The following C3orf49 variants were observed in gnomAD, a reference collection of about 807,000 sequenced individuals.
C3orf49 encodes putative uncharacterized protein C3orf49.
C3orf49 carries 27 observed loss-of-function variants against 13.3 expected under a neutral mutation model. The ratio of observed to expected loss-of-function variants is 2.02; its 90% confidence interval spans 1.49 to 2.79. The LOEUF is 2.79. C3orf49 is among the 30% of genes most tolerant of loss of function. The probability of loss-of-function intolerance (pLI) is 0.00; values close to 1 mark genes in which losing one functional copy is unlikely to be tolerated. For synonymous variants in C3orf49, 87 were observed against 47.6 expected (o/e 1.83, Z -3.40); for missense variants, 242 against 134.2 (o/e 1.80, Z -3.97).
chr3:63,839,620 G>C, intron 5 of C3orf49: 1 of 1,560,430 alleles, frequency 6.4e-7, no homozygotes, highest in Non-Finnish European at 8.8e-7. Context: ...ATCACATTAG[G>C]ACACTGGTAT....
the C3orf49 span, among the ~76,000 whole-genome samples, chr3:63,799,189 A>C: frequency 5.3e-3 from 803 of 152,296 alleles, 8 homozygotes; most frequent in African/African-American, 0.018. Flanking sequence ...GTTGAATTGC[A>C]TGTTACAGAG....
the C3orf49 span, among the ~76,000 whole-genome samples, chr3:63,808,808 G>C: frequency 1.3e-5 from 2 of 152,104 alleles, no homozygotes; most frequent in African/African-American, 4.8e-5. Flanking sequence ...ACTCAGCCCA[G>C]GAGAAAATGT....
chr3:63,838,563 A>G, intron 5 of C3orf49: 1 of 1,434,788 alleles, frequency 7.0e-7, no homozygotes, highest in Middle Eastern at 1.8e-4. Flanking sequence ...GAACTGTTAT[A>G]ATGCAGACAA....
At chr3:63,784,112 A>G in the C3orf49 span, among the ~76,000 whole-genome samples, 1 of 152,256 alleles carries the variant, frequency 6.6e-6, no homozygotes, top group Non-Finnish European at 1.5e-5. Flanking sequence ...ATGAGGTCCC[A>G]TTGCAAAGCT....
chr3:63,832,486 C>G (rs1701547609), intron 5 of C3orf49, among the ~76,000 whole-genome samples: 1 of 151,860 alleles, frequency 6.6e-6, no homozygotes, highest in Non-Finnish European at 1.5e-5. Context: ...TAGTGAGAAT[C>G]TGTCACTACG....
the C3orf49 span, among the ~76,000 whole-genome samples, chr3:63,788,949 TC>T: frequency 6.6e-6 from 1 of 152,078 alleles, no homozygotes; most frequent in African/African-American, 2.4e-5. Context: ...GATTTTTTTT[TC>T]CTAATAGAAA....
At chr3:63,811,925 AT>A in the C3orf49 span, among the ~76,000 whole-genome samples, 1 of 151,448 alleles carries the variant, frequency 6.6e-6, no homozygotes, top group African/African-American at 2.4e-5. Context: ...AATAAAATTA[AT>A]TTAAAATTAA....
intron 1 of C3orf49, among the ~76,000 whole-genome samples, chr3:63,821,797 G>C (rs978825745): frequency 6.6e-6 from 1 of 152,002 alleles, no homozygotes; most frequent in Non-Finnish European, 1.5e-5. Flanking sequence ...TTAAGAAAGG[G>C]GGGACCAGTG....
intron 5 of C3orf49, among the ~76,000 whole-genome samples, chr3:63,844,729 CTT>C (rs1323193089): frequency 1.3e-5 from 2 of 152,176 alleles, no homozygotes; most frequent in Non-Finnish European, 2.9e-5. Flanking sequence ...CATGTGATAC[CTT>C]TTGCCATGTT....
chr3:63,839,762 G>T (rs779216036), intron 5 of C3orf49: 2 of 1,613,234 alleles, frequency 1.2e-6, no homozygotes, highest in Non-Finnish European at 1.7e-6. Flanking sequence ...AGACGCTTCC[G>T]TATAACTTCG....
chr3:63,816,166 C>G (rs1226945977), upstream of C3orf49, among the ~76,000 whole-genome samples: 2 of 149,620 alleles, frequency 1.3e-5, no homozygotes, highest in African/African-American at 4.9e-5. Flanking sequence ...TCATAGCATA[C>G]TTTGTCAGTA....
At chr3:63,826,768 T>C (rs1349052349) in intron 2 of C3orf49, 1 of 152,186 alleles carries the variant, frequency 6.6e-6, no homozygotes, top group Non-Finnish European at 1.5e-5. Flanking sequence ...TCCTTTTGAA[T>C]ACATCAAGGA....
chr3:63,807,944 A>G, the C3orf49 span, among the ~76,000 whole-genome samples: 3 of 151,856 alleles, frequency 2.0e-5, no homozygotes. Context: ...AAAGAAAAAA[A>G]GAAAAAGTGA....
At position 63,819,330 on chromosome 3, in the gene C3orf49, CT is replaced by C. The variant is rs1023645418; in HGVS notation, c.-141del. The C allele has an allele frequency of 8.0e-5, 47 of 589,680 alleles. No individual in the cohort carries two copies. Among genetic ancestry groups the C allele is most frequent in the African/African-American group, 7.8e-4 (42 of 53,870 alleles). The allele number at this position is 589,680 out of a possible 1,614,324, so 36.5% of individuals were successfully genotyped here. Reference sequence around the variant, plus strand: ...CACCTGGAAGGGAATAAGGGAAAGACTCTAAAAATTTCCTACATATTTTATT... The same window carrying C: ...CACCTGGAAGGGAATAAGGGAAAGACCTAAAAATTTCCTACATATTTTATT... On this transcript the variant is annotated 5_prime_UTR_variant, in exon 1 of 7. Coordinates refer to ENST00000295896, the MANE Select transcript of C3orf49 (RefSeq NM_001355236.2).
chr3:63,787,620 C>T, the C3orf49 span, among the ~76,000 whole-genome samples: 1 of 152,244 alleles, frequency 6.6e-6, no homozygotes, highest in Non-Finnish European at 1.5e-5. Context: ...GGTTGCTAGG[C>T]AGCCAGGGCC....
intron 3 of C3orf49, among the ~76,000 whole-genome samples, chr3:63,828,660 A>G (rs1394558635): frequency 2.0e-5 from 3 of 151,908 alleles, no homozygotes; most frequent in Admixed American, 2.0e-4. Context: ...ACCATGAACT[A>G]TTATTATTAT....
At chr3:63,844,147 A>C (rs1204289124) in intron 5 of C3orf49, among the ~76,000 whole-genome samples, 1 of 152,216 alleles carries the variant, frequency 6.6e-6, no homozygotes, top group Non-Finnish European at 1.5e-5. Flanking sequence ...AATCTAAAAA[A>C]GGTGGTCTCA....
the C3orf49 span, among the ~76,000 whole-genome samples, chr3:63,781,493 G>A: frequency 6.6e-6 from 1 of 152,038 alleles, no homozygotes; most frequent in Non-Finnish European, 1.5e-5. Context: ...GGTTCCATAT[G>A]GACTTTAAAG....
intron 1 of C3orf49, among the ~76,000 whole-genome samples, chr3:63,821,425 G>A (rs148273460): frequency 6.6e-5 from 10 of 152,104 alleles, no homozygotes; most frequent in African/African-American, 1.9e-4. Context: ...TTAATACAAC[G>A]TAATAGCATA....
Sources: gnomAD v4.1 joint callset for allele counts (sites outside exome capture counted in the v4.1 genomes callset) on GRCh38, gnomAD v4.1.1 for gene constraint, MANE v1.5 for transcripts, NCBI Gene and HGNC (gene_info 2026-07-23, HGNC 2026-07-21) for gene names.